The following PLCZ1 variants were observed in gnomAD, a reference collection of about 807,000 sequenced individuals.
PLCZ1 encodes the protein phospholipase C zeta 1.
A neutral mutation model predicts 76.8 loss-of-function variants in PLCZ1; 64 were observed. The observed-to-expected ratio is 0.83, with a 90% confidence interval of 0.68 to 1.03. The LOEUF (loss-of-function observed/expected upper bound fraction) is 1.03. PLCZ1 is among the 50% of genes least tolerant of loss of function. The pLI is 0.00. For synonymous variants in PLCZ1, 248 were observed against 230.8 expected, an observed-to-expected ratio of 1.07 and a Z score of -0.68; for missense variants, 751 against 713.7, an observed-to-expected ratio of 1.05 and a Z score of -0.60.
rs1485443063 is a variant in PLCZ1 at position 18,735,469 on chromosome 12, G to GC, written c.135+751dup. ...TACCCAGGCTGGTCTCAAACTCCTA[G>GC]CCCCAAGTGATCCTCCCACCTTGGC... On this transcript the variant is annotated intron_variant, in intron 3 of 14. Coordinates refer to ENST00000266505, the MANE Select transcript of PLCZ1 (RefSeq NM_033123.4). 2.0e-5 allele frequency among the ~76,000 whole-genome samples: 3 copies of GC among 152,134 alleles called. No individual in the cohort carries two copies. The East Asian group carries it at 5.8e-4, about 29-fold the overall frequency.
rs750410796 is a variant in PLCZ1 at position 18,699,799 on chromosome 12, A to G, written c.1169T>C (p.Leu390Ser). ...GETQARKLSK[L>S]RVHEFIFHTR... is the part of the protein sequence containing the mutation. ...TTTGAGTCACAAAAATTTACCTCGC[A>G]ATTTTGAAAGTTTTCGGGCTTGTGT... The change falls in exon 10 of 15, where the codon TTG (leucine) becomes TCG (serine). Residue 390 changes from leucine to serine, a missense_variant. Transcript: ENST00000266505. 2 of 1,613,352 alleles carry G rather than the reference A, an allele frequency of 1.2e-6. No homozygotes were observed. Among genetic ancestry groups the G allele is most frequent in the South Asian group, 2.2e-5 (2 of 91,072 alleles).
intron 7 of PLCZ1, 46 bp downstream of exon 7, chr12:18,705,120 T>C (rs1402435816): frequency 6.2e-7 from 1 of 1,602,772 alleles, no homozygotes; most frequent in African/African-American, 1.3e-5. Flanking sequence ...TGACATGTTT[T>C]CATGGACTTT....
the PLCZ1 span, among the ~76,000 whole-genome samples, chr12:18,677,425 C>T: frequency 6.6e-6 from 1 of 152,044 alleles, no homozygotes; most frequent in East Asian, 1.9e-4. Context: ...CAAATCTGAG[C>T]ATGCATCTGA....
chr12:18,663,405 C>G, the PLCZ1 span, among the ~76,000 whole-genome samples: 34 of 152,176 alleles, frequency 2.2e-4, no homozygotes, highest in African/African-American at 8.2e-4. Flanking sequence ...ATTTACATAA[C>G]ATTTACATTG....
chr12:18,731,359 A>C (rs1254047426), intron 3 of PLCZ1, among the ~76,000 whole-genome samples: 4 of 152,068 alleles, frequency 2.6e-5, no homozygotes, highest in Non-Finnish European at 2.9e-5. Context: ...AGGTAGGCTT[A>C]CTGCCCACCA....
downstream of PLCZ1, among the ~76,000 whole-genome samples, chr12:18,682,305 A>T (rs1478170310): frequency 6.6e-6 from 1 of 152,070 alleles, no homozygotes; most frequent in Non-Finnish European, 1.5e-5. Context: ...GTTAGTACAC[A>T]TCCCAAACAT....
At position 18,688,176 on chromosome 12, in the gene PLCZ1, T is replaced by C. The variant is rs1469286902; in HGVS notation, c.1504A>G (p.Asn502Asp). 6.2e-7 allele frequency: 1 copy of C among 1,610,932 alleles called. No homozygotes were observed. Among genetic ancestry groups the C allele is most frequent in the Admixed American group, 1.7e-5 (1 of 59,916 alleles). The change falls in exon 13 of 15, where the codon AAC (asparagine) becomes GAC (aspartate). Residue 502 changes from asparagine to aspartate, a missense_variant. Coordinates refer to ENST00000266505, the MANE Select transcript of PLCZ1 (RefSeq NM_033123.4). ...ATAATTACTAATGAATCACCTTTGT[T>C]AGATGATGAATGAGTAAGAGGCAAC... is the stretch of plus-strand genomic sequence containing the variant. The part of the protein sequence containing the change: ...IQLPLTHSSS[N>D]KGDSLVIIEV...
chr12:18,698,242 C>CTTCTATTCTA (rs10659264), intron 10 of PLCZ1, among the ~76,000 whole-genome samples: 26,591 of 145,390 alleles, frequency 0.18, 2,605 homozygotes, highest in East Asian at 0.28. Flanking sequence ...ATACACTTTT[C>CTTCTATTCTA]TTCTATTCTA....
chr12:18,719,034 A>G (rs1331920946), intron 5 of PLCZ1, among the ~76,000 whole-genome samples: 2 of 152,184 alleles, frequency 1.3e-5, no homozygotes, highest in African/African-American at 4.8e-5. Context: ...GGCTTTAGTT[A>G]TAGTATGTGT....
At chr12:18,692,387 A>C (rs1347224224) in intron 12 of PLCZ1, among the ~76,000 whole-genome samples, 3 of 152,216 alleles carry the variant, frequency 2.0e-5, no homozygotes, top group Non-Finnish European at 4.4e-5. Context: ...GTTTTTCAAA[A>C]GATTTAATGA....
the PLCZ1 span, among the ~76,000 whole-genome samples, chr12:18,649,873 G>T: frequency 0.17 from 25,279 of 151,898 alleles, 2,606 homozygotes; most frequent in African/African-American, 0.29. Flanking sequence ...TAGCTTCGTT[G>T]CCTTTTTGTT....
chr12:18,712,659 A>C (rs1314194814), intron 6 of PLCZ1, among the ~76,000 whole-genome samples, 183 bp downstream of exon 6: 1 of 152,170 alleles, frequency 6.6e-6, no homozygotes, highest in Non-Finnish European at 1.5e-5. Context: ...TACCACCTGA[A>C]ACTAACTTTG....
At chr12:18,714,300 G>A (rs1048378175) in intron 5 of PLCZ1, among the ~76,000 whole-genome samples, 9 of 152,154 alleles carry the variant, frequency 5.9e-5, no homozygotes, top group African/African-American at 2.2e-4. Context: ...GCTAATATGT[G>A]CCAACCACAG....
chr12:18,735,116 G>A (rs1959190689), intron 3 of PLCZ1, among the ~76,000 whole-genome samples: 1 of 152,098 alleles, frequency 6.6e-6, no homozygotes, highest in South Asian at 2.1e-4. Flanking sequence ...TTTGGTCATG[G>A]AATATGATCC....
At chr12:18,707,900 G>A (rs1343157881) in intron 6 of PLCZ1, among the ~76,000 whole-genome samples, 1 of 152,068 alleles carries the variant, frequency 6.6e-6, no homozygotes, top group Non-Finnish European at 1.5e-5. Flanking sequence ...TATACTTAAG[G>A]TATACAACAT....
At chr12:18,725,039 G>A (rs1958673051) in intron 3 of PLCZ1, among the ~76,000 whole-genome samples, 1 of 152,062 alleles carries the variant, frequency 6.6e-6, no homozygotes, top group Non-Finnish European at 1.5e-5. Context: ...AAGAATTGGA[G>A]ATATAAGTCC....
the PLCZ1 span, among the ~76,000 whole-genome samples, chr12:18,659,663 C>CTTTTTTTTTTTTTTTTTTTTT: frequency 6.0e-5 from 8 of 133,812 alleles, no homozygotes; most frequent in Non-Finnish European, 7.9e-5. Flanking sequence ...GTTCTCCATT[C>CTTTTTTTTTTTTTTTTTTTTT]TTTTTTTTTT....
the PLCZ1 span, among the ~76,000 whole-genome samples, chr12:18,673,074 C>G: frequency 6.6e-6 from 1 of 152,066 alleles, no homozygotes; most frequent in Non-Finnish European, 1.5e-5. Context: ...AAAAAGCAGA[C>G]TAATTTAGCT....
chr12:18,698,046 G>A (rs936438785), intron 10 of PLCZ1, among the ~76,000 whole-genome samples: 4 of 151,796 alleles, frequency 2.6e-5, no homozygotes, highest in African/African-American at 9.7e-5. Flanking sequence ...TGTGCCTACA[G>A]GTCCTGTCCT....
Sources: gnomAD v4.1 joint callset for allele counts (sites outside exome capture counted in the v4.1 genomes callset) on GRCh38, gnomAD v4.1.1 for gene constraint, MANE v1.5 for transcripts, NCBI Gene and HGNC (gene_info 2026-07-23, HGNC 2026-07-21) for gene names.